The following SVIL variants were observed in gnomAD, a reference collection of about 807,000 sequenced individuals.
SVIL encodes supervillin.
A neutral mutation model predicts 240.4 loss-of-function variants in SVIL; 101 were observed. The observed-to-expected ratio is 0.42, with a 90% CI of 0.36 to 0.50. The LOEUF (loss-of-function observed/expected upper bound fraction) is 0.50, where lower values mean the gene tolerates loss of function less well. Ranked by LOEUF, SVIL falls within the 20% of genes least tolerant of loss-of-function variation. The pLI is 0.01. For synonymous variants in SVIL, 999 were observed against 1,100.0 expected (o/e 0.91, Z 1.82); for missense variants, 2,512 against 2,818.7 (o/e 0.89, Z 2.46).
intron 23 of SVIL, 100 bp downstream of exon 23, chr10:29,488,501 C>T: frequency 3.0e-6 from 4 of 1,349,892 alleles, no homozygotes; most frequent in Non-Finnish European, 3.8e-6. Context: ...GTGTGCGTTC[C>T]TTTCCCGGCA....
rs552181409 is a variant in SVIL at position 29,531,123 on chromosome 10, C to G, written c.2044+131G>C. ...ACTAGATTTTATCATATCCACAGAA[C>G]GAAAACCTGCAGCAAAGGGAGACAC... On this transcript the variant is annotated intron_variant, in intron 10 of 37. Transcript: ENST00000355867. 1.8e-5 allele frequency: 16 copies of G among 865,740 alleles called. 1 individual carries two copies. The highest frequency in any genetic ancestry group is 1.4e-4 in the South Asian group (8 of 58,266). 53.6% of individuals were successfully genotyped at this position (865,740 alleles called of 1,614,324 possible). A position where few individuals can be genotyped will look rare whatever the true frequency, so the allele number is the denominator to read the frequency against.
At chr10:29,624,475 T>G (rs996438376) in intron 1 of SVIL, among the ~76,000 whole-genome samples, 1 of 152,120 alleles carries the variant, frequency 6.6e-6, no homozygotes, top group Non-Finnish European at 1.5e-5. Flanking sequence ...GAGGCAGAGG[T>G]TGCAGTGAGC....
At chr10:29,533,720 G>A (rs1951545439) in intron 7 of SVIL, among the ~76,000 whole-genome samples, 1 of 152,140 alleles carries the variant, frequency 6.6e-6, no homozygotes, top group African/African-American at 2.4e-5. Flanking sequence ...TCCTGGGGGA[G>A]AATGGGTCCC....
chr10:29,562,000 C>T (rs527775440), intron 3 of SVIL, among the ~76,000 whole-genome samples: 1 of 152,314 alleles, frequency 6.6e-6, no homozygotes, highest in South Asian at 2.1e-4. Flanking sequence ...GCCTATCACC[C>T]GTTCAGTTCC....
At chr10:29,630,131 G>A (rs1441811873) in intron 1 of SVIL, among the ~76,000 whole-genome samples, 1 of 152,068 alleles carries the variant, frequency 6.6e-6, no homozygotes, top group Non-Finnish European at 1.5e-5. Flanking sequence ...GAGACACTCT[G>A]GGAAAGAGGC....
chr10:29,587,908 C>T (rs12250811), intron 1 of SVIL, among the ~76,000 whole-genome samples: 4,792 of 152,206 alleles, frequency 0.031, 178 homozygotes, highest in African/African-American at 0.11. Flanking sequence ...GTTGGTCAAG[C>T]GATGCCTGAT....
At chr10:29,596,075 G>A (rs546414588) in intron 1 of SVIL, among the ~76,000 whole-genome samples, 156 of 152,362 alleles carry the variant, frequency 1.0e-3, no homozygotes, top group African/African-American at 3.5e-3. Flanking sequence ...TGAGAGCACA[G>A]AAGCACCACA....
intron 1 of SVIL, among the ~76,000 whole-genome samples, chr10:29,615,272 G>GT: frequency 6.6e-6 from 1 of 152,304 alleles, no homozygotes; most frequent in South Asian, 2.1e-4. Flanking sequence ...TTTTCTAGAT[G>GT]TTTGCCACCT....
At chr10:29,540,778 C>G (rs1056633133) in intron 6 of SVIL, among the ~76,000 whole-genome samples, 2 of 152,198 alleles carry the variant, frequency 1.3e-5, no homozygotes, top group African/African-American at 4.8e-5. Flanking sequence ...TTTCCACCGT[C>G]AGAAGAGTTA....
chr10:29,562,666 A>C (rs1399071472), intron 3 of SVIL, among the ~76,000 whole-genome samples: 1 of 150,918 alleles, frequency 6.6e-6, no homozygotes, highest in African/African-American at 2.4e-5. Flanking sequence ...GAGGCTGAGG[A>C]AGGAGAATCA....
At chr10:29,522,217 C>T (rs1349717912) in intron 16 of SVIL, among the ~76,000 whole-genome samples, 193 bp downstream of exon 16, 1 of 152,160 alleles carries the variant, frequency 6.6e-6, no homozygotes, top group East Asian at 1.9e-4. Context: ...CATTACCAAA[C>T]CAGGCTCATG....
At chr10:29,725,666 G>A (rs1469740917) in intron 1 of SVIL, among the ~76,000 whole-genome samples, 1 of 152,186 alleles carries the variant, frequency 6.6e-6, no homozygotes. Flanking sequence ...TGCTGGTTGC[G>A]ATGCACAGCA....
At chr10:29,564,705 C>A (rs1467134720) in intron 2 of SVIL, among the ~76,000 whole-genome samples, 1 of 152,216 alleles carries the variant, frequency 6.6e-6, no homozygotes, top group Non-Finnish European at 1.5e-5. Flanking sequence ...CCAAGCCCAT[C>A]TGAAATCTTC....
intron 6 of SVIL, among the ~76,000 whole-genome samples, chr10:29,540,249 A>T (rs1452860884): frequency 6.6e-6 from 1 of 152,130 alleles, no homozygotes; most frequent in African/African-American, 2.4e-5. Flanking sequence ...CTGTGGTCTC[A>T]CTAACATCAT....
intron 1 of SVIL, among the ~76,000 whole-genome samples, chr10:29,611,500 A>G (rs1463524354): frequency 6.6e-6 from 1 of 151,910 alleles, no homozygotes; most frequent in Non-Finnish European, 1.5e-5. Context: ...GCGTGTCACT[A>G]TGACATATGA....
chr10:29,522,680 A>G, intron 15 of SVIL, 45 bp from the exon 16 acceptor site: 15 of 1,585,546 alleles, frequency 9.5e-6, no homozygotes, highest in Non-Finnish European at 1.3e-5. Context: ...CCTCAGGCAA[A>G]CATTCTTCCA....
chr10:29,705,881 C>A (rs1291735422), intron 1 of SVIL, among the ~76,000 whole-genome samples: 1 of 152,188 alleles, frequency 6.6e-6, no homozygotes, highest in Non-Finnish European at 1.5e-5. Flanking sequence ...TTTGTCCAGG[C>A]TATCACTGAT....
intron 29 of SVIL, 128 bp downstream of exon 29, chr10:29,480,409 G>A (rs922002008): frequency 4.9e-5 from 58 of 1,187,208 alleles, no homozygotes; most frequent in Middle Eastern, 3.0e-4. Context: ...TCTCAAAGGC[G>A]CATGACTGCA....
At chr10:29,599,033 C>T (rs1175775141) in intron 1 of SVIL, among the ~76,000 whole-genome samples, 1 of 152,194 alleles carries the variant, frequency 6.6e-6, no homozygotes, top group African/African-American at 2.4e-5. Context: ...TCCACTCCCT[C>T]CAGGCAGTTC....
Sources: allele counts gnomAD v4.1 joint callset (sites outside exome capture counted in the v4.1 genomes callset), GRCh38; gene constraint gnomAD v4.1.1; transcripts MANE v1.5; gene names NCBI Gene and HGNC (gene_info 2026-07-23, HGNC 2026-07-21).